The following CASP9 variants were observed in gnomAD, a reference collection of about 807,000 sequenced individuals.
CASP9 encodes caspase-9.
Under a neutral mutation model 43.5 loss-of-function variants are expected in CASP9, and 29 were observed. The observed-to-expected ratio is 0.67, with a 90% CI of 0.50 to 0.91. CASP9 has a LOEUF of 0.91. CASP9 is among the 40% of genes least tolerant of loss of function. The pLI is 0.00. For missense variants in CASP9, 575 were observed against 537.4 expected (o/e 1.07, Z -0.69); for synonymous variants, 206 against 211.9 (o/e 0.97, Z 0.24).
At chr1:15,504,502 C>T in intron 6 of CASP9, 109 bp downstream of exon 6, 1 of 1,150,366 alleles carries the variant, frequency 8.7e-7, no homozygotes, top group South Asian at 1.6e-5. Context: ...TACCCTCTGA[C>T]TGCCTGGAGA....
chr1:15,512,400 G>A (rs1044068850), intron 2 of CASP9, among the ~76,000 whole-genome samples: 3 of 152,208 alleles, frequency 2.0e-5, no homozygotes, highest in Non-Finnish European at 4.4e-5. Context: ...CGTCCAATCC[G>A]TCAAGGGCCT....
chr1:15,524,545 T>TCCCCCCCCCCCAAA, upstream of CASP9: 1 of 232,048 alleles, frequency 4.3e-6, no homozygotes, highest in Non-Finnish European at 5.9e-6. Context: ...CACCACTGCG[T>TCCCCCCCCCCCAAA]CCCCGCCCCA....
chr1:15,495,789 C>G (rs1709085567), intron 6 of CASP9, among the ~76,000 whole-genome samples: 1 of 152,206 alleles, frequency 6.6e-6, no homozygotes, highest in Admixed American at 6.5e-5. Context: ...TTTACAGAGG[C>G]ATCACCCCTC....
At chr1:15,507,198 G>T in intron 3 of CASP9, 123 bp from the exon 4 acceptor site, 1 of 1,048,408 alleles carries the variant, frequency 9.5e-7, no homozygotes, top group Non-Finnish European at 1.4e-6. Flanking sequence ...TCTCCACCCG[G>T]CATTCCAGGG....
chr1:15,506,848 T>C, intron 4 of CASP9, 51 bp downstream of exon 4: 1 of 1,490,900 alleles, frequency 6.7e-7, no homozygotes, highest in Non-Finnish European at 9.3e-7. Context: ...AAAAGATACT[T>C]CCCCACCCAC....
intron 6 of CASP9, among the ~76,000 whole-genome samples, chr1:15,497,319 AAAAAAAAAG>A (rs1464845594): frequency 2.0e-5 from 3 of 149,106 alleles, no homozygotes; most frequent in South Asian, 2.1e-4. Context: ...TAAAAAAAAA[AAAAAAAAAG>A]AAAGAAAGAA....
At chr1:15,524,251 C>G (rs1185256062), upstream of CASP9, 16 of 1,521,856 alleles carry the variant, frequency 1.1e-5, no homozygotes, top group Admixed American at 2.0e-5. Context: ...TTCCGGGCCT[C>G]GGCCGCCCGC....
intron 6 of CASP9, among the ~76,000 whole-genome samples, chr1:15,504,068 G>A (rs1003378320): frequency 1.4e-4 from 21 of 152,260 alleles, no homozygotes; most frequent in African/African-American, 5.1e-4. Context: ...GGCTGGTCTC[G>A]AACTCCTGGC....
At chr1:15,524,292 G>A, upstream of CASP9, 1 of 1,457,252 alleles carries the variant, frequency 6.9e-7, no homozygotes, top group Non-Finnish European at 8.9e-7. Context: ...CCCGCCCCAG[G>A]GCCTGCCCCC....
At chr1:15,500,594 G>A (rs752326537) in intron 6 of CASP9, among the ~76,000 whole-genome samples, 8 of 152,162 alleles carry the variant, frequency 5.3e-5, no homozygotes, top group Non-Finnish European at 8.8e-5. Flanking sequence ...GAGGCCCCCA[G>A]CCTCCAAAGG....
intron 5 of CASP9, 106 bp from the exon 6 acceptor site, chr1:15,504,864 G>A: frequency 9.0e-7 from 1 of 1,112,190 alleles, no homozygotes; most frequent in Non-Finnish European, 1.3e-6. Flanking sequence ...GTCAAAGCCA[G>A]GGGCACGAGG....
At chr1:15,495,482 T>A (rs1482851709) in intron 6 of CASP9, 30 bp from the exon 7 acceptor site, 4 of 1,535,156 alleles carry the variant, frequency 2.6e-6, no homozygotes, top group Non-Finnish European at 3.5e-6. Context: ...ACACCTCTTG[T>A]CATTGAAATA....
intron 2 of CASP9, among the ~76,000 whole-genome samples, chr1:15,509,860 A>G (rs1387726989): frequency 6.6e-6 from 1 of 152,234 alleles, no homozygotes; most frequent in Admixed American, 6.5e-5. Flanking sequence ...ATTATTTTCC[A>G]TCAACATCAA....
At chr1:15,493,185 C>A in intron 8 of CASP9, 150 bp from the exon 9 acceptor site, 1 of 1,446,030 alleles carries the variant, frequency 6.9e-7, no homozygotes, top group Non-Finnish European at 9.1e-7. Flanking sequence ...TTAAAGAATA[C>A]GCACCTCAAC....
At chr1:15,505,006 G>C (rs1365319828) in intron 5 of CASP9, among the ~76,000 whole-genome samples, 1 of 152,114 alleles carries the variant, frequency 6.6e-6, no homozygotes, top group East Asian at 1.9e-4. Flanking sequence ...TGCTGGCTGC[G>C]GCCTCTAGAC....
chr1:15,504,709 G>A lies in CASP9; in HGVS notation c.770C>T (p.Pro257Leu), dbSNP rs1388267316. 1.2e-6 allele frequency: 2 copies of A among 1,614,190 alleles called. No individual in the cohort carries two copies. Among genetic ancestry groups the A allele is most frequent in the Non-Finnish European group, 1.7e-6 (2 of 1,180,022 alleles). The stretch of plus-strand genomic sequence containing the variant: ...GTTCACAATCTTCTCGACCGACACA[G>A]GGCATCCATCTGTGCCGTAGACAGC... ...PGAVYGTDGC[P>L]VSVEKIVNIF... is the part of the protein sequence containing the mutation. The change falls in exon 6 of 9, where the codon CCT (proline) becomes CTT (leucine). Residue 257 changes from proline (P) to leucine (L), a missense_variant. Pro to Leu is a moderately conservative substitution (Grantham distance 98). Transcript: ENST00000333868.
chr1:15,507,778 C>T, intron 3 of CASP9, 95 bp downstream of exon 3: 1 of 1,287,454 alleles, frequency 7.8e-7, no homozygotes, highest in Non-Finnish European at 1.1e-6. Context: ...GTTGGGTTCC[C>T]TGGGCTCCTG....
At chr1:15,493,526 A>G in intron 8 of CASP9, 1 of 1,379,574 alleles carries the variant, frequency 7.2e-7, no homozygotes. Context: ...GGTCAAGAGT[A>G]GAAGACTACA....
chr1:15,518,003 CAA>C, intron 2 of CASP9, 105 bp downstream of exon 2: 1 of 1,317,396 alleles, frequency 7.6e-7, no homozygotes, highest in Non-Finnish European at 1.1e-6. Flanking sequence ...TTCAGAAAGA[CAA>C]TGCTAAAATT....
Sources: allele counts gnomAD v4.1 joint callset (sites outside exome capture counted in the v4.1 genomes callset), GRCh38; gene constraint gnomAD v4.1.1; transcripts MANE v1.5; gene names NCBI Gene and HGNC (gene_info 2026-07-23, HGNC 2026-07-21).